SULF1: variants seen among roughly 807,000 people sequenced by gnomAD.
SULF1 encodes the protein extracellular sulfatase Sulf-1.
Under a neutral mutation model 110.5 loss-of-function variants are expected in SULF1, and 46 were observed. The ratio of observed to expected loss-of-function variants is 0.42; its 90% CI spans 0.33 to 0.53. The LOEUF (loss-of-function observed/expected upper bound fraction) is 0.53, where lower values mean the gene tolerates loss of function less well. Among genes scored for constraint, SULF1 ranks in the 20% least tolerant of loss-of-function variants. The probability of loss-of-function intolerance (pLI) is 0.12; values close to 1 mark genes in which losing one functional copy is unlikely to be tolerated. For missense variants in SULF1, 941 were observed against 1,094.2 expected, an observed-to-expected ratio of 0.86 and a Z score of 1.98; for synonymous variants, 371 against 387.1, an observed-to-expected ratio of 0.96 and a Z score of 0.49.
intron 3 of SULF1, among the ~76,000 whole-genome samples, chr8:69,511,012 T>C (rs1268144142): frequency 1.3e-5 from 2 of 151,648 alleles, no homozygotes; most frequent in East Asian, 3.9e-4. Context: ...AGGTATTCTG[T>C]AGAAACCTGT....
chr8:69,503,804 T>C (rs905984972), intron 3 of SULF1, among the ~76,000 whole-genome samples: 3 of 152,108 alleles, frequency 2.0e-5, no homozygotes, highest in Non-Finnish European at 4.4e-5. Context: ...TTTCCTTTTT[T>C]TTTTCTTTTC....
At chr8:69,630,993 G>A (rs531464819) in intron 19 of SULF1, among the ~76,000 whole-genome samples, 32 of 150,904 alleles carry the variant, frequency 2.1e-4, no homozygotes, top group African/African-American at 5.6e-4. Context: ...AACAGTCCCC[G>A]GTGTGTGATG....
At chr8:69,480,569 T>A (rs898310102) in intron 1 of SULF1, among the ~76,000 whole-genome samples, 1 of 152,214 alleles carries the variant, frequency 6.6e-6, no homozygotes, top group Admixed American at 6.5e-5. Flanking sequence ...CATAGCTTAA[T>A]AAATTACATG....
chr8:69,487,990 C>T (rs768454327), upstream of SULF1, among the ~76,000 whole-genome samples: 2 of 152,062 alleles, frequency 1.3e-5, no homozygotes, highest in Non-Finnish European at 2.9e-5. Context: ...AAGATTAGAT[C>T]GTTGTTCAAG....
rs148324433 is a variant in SULF1 at position 69,527,396 on chromosome 8, C to T, written c.-134+25428C>T. Among the ~76,000 whole-genome samples the T allele has an allele frequency of 2.9e-4, 44 of 151,878 alleles. No individual in the cohort carries two copies. The East Asian group carries it at 5.8e-3, about 20-fold the overall frequency. On this transcript the variant is annotated intron_variant, in intron 3 of 22. Coordinates refer to ENST00000402687, the MANE Select transcript of SULF1 (RefSeq NM_001128205.2). ...CAATAGCCATGTCATTGGGGGCAAGCGGAAAGACAAGGTAAATGACCAGTA... is the reference window on the plus strand; with the variant it reads ...CAATAGCCATGTCATTGGGGGCAAGTGGAAAGACAAGGTAAATGACCAGTA...
At chr8:69,549,063 T>A (rs1814504153) in intron 3 of SULF1, among the ~76,000 whole-genome samples, 1 of 152,160 alleles carries the variant, frequency 6.6e-6, no homozygotes, top group South Asian at 2.1e-4. Flanking sequence ...GGTCAGCAGA[T>A]GTGCCAGATG....
intron 2 of SULF1, among the ~76,000 whole-genome samples, 168 bp from the exon 3 acceptor site, chr8:69,501,706 T>C (rs2150572707): frequency 1.3e-5 from 2 of 152,344 alleles, no homozygotes; most frequent in Middle Eastern, 6.8e-3. Flanking sequence ...CCCACAATGC[T>C]TCAAAGACTC....
At chr8:69,595,573 G>A (rs558979238) in intron 8 of SULF1, among the ~76,000 whole-genome samples, 1 of 152,276 alleles carries the variant, frequency 6.6e-6, no homozygotes, top group South Asian at 2.1e-4. Flanking sequence ...ATTAAGTGTA[G>A]AATTTCCAAT....
At chr8:69,596,136 A>G (rs1319794626) in intron 8 of SULF1, among the ~76,000 whole-genome samples, 1 of 152,178 alleles carries the variant, frequency 6.6e-6, no homozygotes, top group Non-Finnish European at 1.5e-5. Context: ...AACAATATGC[A>G]GGGAGGCCTC....
At chr8:69,656,648 G>T (rs1464734156) in intron 22 of SULF1, among the ~76,000 whole-genome samples, 1 of 152,178 alleles carries the variant, frequency 6.6e-6, no homozygotes, top group South Asian at 2.1e-4. Context: ...AATAGGAAAT[G>T]ATCTCATTCC....
intron 5 of SULF1, among the ~76,000 whole-genome samples, chr8:69,573,104 G>A (rs1470511092): frequency 6.6e-6 from 1 of 152,224 alleles, no homozygotes; most frequent in Non-Finnish European, 1.5e-5. Context: ...CGGGATTACA[G>A]GCATGAGCCA....
chr8:69,654,333 T>C (rs1429998044), intron 22 of SULF1, among the ~76,000 whole-genome samples: 4 of 152,222 alleles, frequency 2.6e-5, no homozygotes, highest in African/African-American at 9.6e-5. Flanking sequence ...ACTAGTCTAG[T>C]ATTATCACTA....
At chr8:69,617,406 TA>T (rs1809250057) in intron 13 of SULF1, among the ~76,000 whole-genome samples, 2 of 78,988 alleles carry the variant, frequency 2.5e-5, no homozygotes, top group South Asian at 4.4e-4. Flanking sequence ...TATATATATA[TA>T]TATATATATA....
intron 5 of SULF1, among the ~76,000 whole-genome samples, chr8:69,565,890 C>T (rs113726844): frequency 7.2e-5 from 11 of 152,180 alleles, no homozygotes; most frequent in Admixed American, 2.6e-4. Context: ...CTTCACCCCC[C>T]TCGCCTCTAT....
chr8:69,513,043 G>A (rs908975565), intron 3 of SULF1, among the ~76,000 whole-genome samples: 1 of 152,038 alleles, frequency 6.6e-6, no homozygotes, highest in Admixed American at 6.6e-5. Context: ...TTTCACATTA[G>A]ATTCTGTGTG....
chr8:69,507,197 G>T (rs753058943), intron 3 of SULF1, among the ~76,000 whole-genome samples: 1 of 152,198 alleles, frequency 6.6e-6, no homozygotes, highest in Non-Finnish European at 1.5e-5. Flanking sequence ...CTGGTATCAG[G>T]CCAGATGTTT....
chr8:69,523,828 G>T (rs1420753839), intron 3 of SULF1, among the ~76,000 whole-genome samples: 1 of 152,078 alleles, frequency 6.6e-6, no homozygotes, highest in East Asian at 1.9e-4. Context: ...GGGATGCATG[G>T]AACCAAGATG....
chr8:69,572,891 G>A (rs540533993), intron 5 of SULF1, among the ~76,000 whole-genome samples: 3 of 152,278 alleles, frequency 2.0e-5, no homozygotes, highest in South Asian at 2.1e-4. Flanking sequence ...GCAGTGGCGC[G>A]ATCTTGGCTC....
chr8:69,595,741 A>G lies in SULF1; in HGVS notation c.735-4862A>G, dbSNP rs536881564. On this transcript the variant is annotated intron_variant, in intron 8 of 22. Transcript: ENST00000402687. ...TTTGTTTGAGACTAAATAAATGAAGAAAACACATGTTAGATACAAAACACT... is the reference window on the plus strand; with the variant it reads ...TTTGTTTGAGACTAAATAAATGAAGGAAACACATGTTAGATACAAAACACT... 4.2e-4 allele frequency among the ~76,000 whole-genome samples: 64 copies of G among 152,338 alleles called. 1 individual carries two copies. The highest frequency in any genetic ancestry group is 1.5e-3 in the African/African-American group (62 of 41,586).
Sources: allele counts gnomAD v4.1 joint callset (sites outside exome capture counted in the v4.1 genomes callset), GRCh38; gene constraint gnomAD v4.1.1; transcripts MANE v1.5; gene names NCBI Gene and HGNC (gene_info 2026-07-23, HGNC 2026-07-21).